The following CTNNA3 variants were observed in gnomAD, a reference collection of about 807,000 sequenced individuals.
CTNNA3 encodes the protein catenin alpha-3.
A neutral mutation model predicts 95.7 loss-of-function variants in CTNNA3; 76 were observed. That is an observed-to-expected ratio of 0.79 (90% CI 0.66 to 0.96). The LOEUF is 0.96. CTNNA3 is among the 40% of genes least tolerant of loss of function. The pLI, the probability that CTNNA3 is intolerant of heterozygous loss-of-function variation, is 0.00. For missense variants in CTNNA3, 1,191 were observed against 1,089.8 expected (o/e 1.09, Z -1.31); for synonymous variants, 431 against 374.4 (o/e 1.15, Z -1.74).
At chr10:66,444,635 G>C (rs1282040220) in intron 11 of CTNNA3, among the ~76,000 whole-genome samples, 9 of 152,042 alleles carry the variant, frequency 5.9e-5, no homozygotes, top group Non-Finnish European at 2.9e-5. Flanking sequence ...GAGAGATTTT[G>C]TCACCACCAG....
chr10:66,998,385 C>T (rs1419543873), intron 7 of CTNNA3, among the ~76,000 whole-genome samples: 1 of 152,006 alleles, frequency 6.6e-6, no homozygotes, highest in East Asian at 1.9e-4. Context: ...AAAAGCATAG[C>T]ACAAAATAAA....
chr10:67,118,680 G>T (rs1385227805), intron 7 of CTNNA3, among the ~76,000 whole-genome samples: 2 of 151,802 alleles, frequency 1.3e-5, no homozygotes, highest in Non-Finnish European at 2.9e-5. Context: ...TTTATCTAAA[G>T]CACAGTAGTA....
intron 10 of CTNNA3, among the ~76,000 whole-genome samples, chr10:66,528,408 C>T (rs978812746): frequency 2.6e-5 from 4 of 152,166 alleles, no homozygotes; most frequent in African/African-American, 7.2e-5. Context: ...ATCTAAACTA[C>T]GTTCAGAATA....
intron 15 of CTNNA3, among the ~76,000 whole-genome samples, chr10:66,010,758 T>C (rs958606708): frequency 6.6e-6 from 1 of 152,178 alleles, no homozygotes; most frequent in Non-Finnish European, 1.5e-5. Context: ...GGAAAGTGTG[T>C]CAGGCCAGGC....
intron 1 of CTNNA3, among the ~76,000 whole-genome samples, chr10:67,753,260 G>C (rs1206503072): frequency 6.6e-6 from 1 of 152,102 alleles, no homozygotes; most frequent in African/African-American, 2.4e-5. Context: ...GGGAAAACTG[G>C]CTAGCCACAT....
At chr10:66,928,516 T>C in intron 7 of CTNNA3, 1 of 1,449,854 alleles carries the variant, frequency 6.9e-7, no homozygotes. Context: ...TTTATTGAAC[T>C]CTGGTGACTA....
At chr10:66,406,096 T>A (rs189489656) in intron 11 of CTNNA3, among the ~76,000 whole-genome samples, 3 of 152,294 alleles carry the variant, frequency 2.0e-5, no homozygotes, top group Non-Finnish European at 2.9e-5. Context: ...AGGATCTTAT[T>A]AAATGGCAGT....
intron 16 of CTNNA3, among the ~76,000 whole-genome samples, chr10:65,979,678 A>C (rs915756746): frequency 6.6e-6 from 1 of 152,122 alleles, no homozygotes; most frequent in Non-Finnish European, 1.5e-5. Flanking sequence ...GTAACTATAC[A>C]TGAAGTGAAC....
chr10:67,740,359 G>C (rs1841328658), intron 1 of CTNNA3, among the ~76,000 whole-genome samples: 1 of 151,732 alleles, frequency 6.6e-6, no homozygotes, highest in Non-Finnish European at 1.5e-5. Flanking sequence ...ACTACCATCA[G>C]AGTGAACAGG....
intron 9 of CTNNA3, among the ~76,000 whole-genome samples, chr10:66,647,850 G>A (rs1332601855): frequency 1.3e-5 from 2 of 152,028 alleles, no homozygotes; most frequent in Non-Finnish European, 2.9e-5. Flanking sequence ...TTTTTGAAAA[G>A]AAGAAGAAAA....
intron 7 of CTNNA3, among the ~76,000 whole-genome samples, chr10:66,885,364 T>C (rs1215719899): frequency 1.3e-5 from 2 of 152,170 alleles, no homozygotes; most frequent in African/African-American, 2.4e-5. Flanking sequence ...TTATATGTAA[T>C]ATCCCTTTGC....
intron 5 of CTNNA3, among the ~76,000 whole-genome samples, chr10:67,386,101 T>G (rs749501308): frequency 6.6e-6 from 1 of 152,200 alleles, no homozygotes; most frequent in Non-Finnish European, 1.5e-5. Context: ...TATAAGTATA[T>G]GCCAATATTC....
At position 67,210,098 on chromosome 10, in the gene CTNNA3, G is replaced by A. The variant is rs777232905; in HGVS notation, c.843+9509C>T. On this transcript the variant is annotated intron_variant, in intron 6 of 17. Coordinates refer to ENST00000433211, the MANE Select transcript of CTNNA3 (RefSeq NM_013266.4). ...CAAAGCAGGCAGATCACAAGGTCGG[G>A]AGATCGACACCATCCTGGCTAACAT... Among the ~76,000 whole-genome samples the A allele has an allele frequency of 1.1e-3, 161 of 152,170 alleles. 2 individuals are homozygous for A. The highest frequency in any genetic ancestry group is 0.01 in the Admixed American group (158 of 15,282).
In CTNNA3 at chr10:66,622,209, C is replaced by T. The variant is rs554886817; in HGVS notation, c.1282-425G>A. The stretch of plus-strand genomic sequence containing the variant: ...AGGTCTATTACTCATATTTAAGTTG[C>T]ATTAAGTATGACTGTATCTTTATAC... On this transcript the variant is annotated intron_variant, in intron 9 of 17. Transcript: ENST00000433211. Among the ~76,000 whole-genome samples, 9 of 152,202 alleles carry T rather than the reference C, an allele frequency of 5.9e-5. No homozygotes were observed. The South Asian group carries it at 1.0e-3, about 18-fold the overall frequency.
chr10:65,937,580 TCTC>T (rs1274748062), intron 17 of CTNNA3, among the ~76,000 whole-genome samples: 1 of 152,062 alleles, frequency 6.6e-6, no homozygotes, highest in East Asian at 1.9e-4. Flanking sequence ...CCAACACCAT[TCTC>T]CTCTTTCAAG....
intron 7 of CTNNA3, among the ~76,000 whole-genome samples, chr10:66,904,046 A>G (rs1049722151): frequency 2.0e-5 from 3 of 152,166 alleles, no homozygotes; most frequent in African/African-American, 7.2e-5. Flanking sequence ...TTCATATAGA[A>G]CCAAAAAGGA....
At chr10:67,201,297 T>C (rs757845646) in intron 6 of CTNNA3, among the ~76,000 whole-genome samples, 15 of 152,174 alleles carry the variant, frequency 9.9e-5, no homozygotes, top group Admixed American at 1.3e-4. Context: ...TTAACAAATA[T>C]AACCTCCAGC....
Position 65,988,623 on chromosome 10 carries a change from A to G in CTNNA3, c.2265+69T>C, listed in dbSNP as rs1041932635. ...AGAGAGTAAAAATTTAACTTTGCCTAAATCAATGTTCTAATGGCAAAGAGC... is the reference window on the plus strand; with the variant it reads ...AGAGAGTAAAAATTTAACTTTGCCTGAATCAATGTTCTAATGGCAAAGAGC... On this transcript the variant is annotated intron_variant, in intron 16 of 17. Coordinates refer to ENST00000433211, the MANE Select transcript of CTNNA3 (RefSeq NM_013266.4). 13 of 1,283,894 alleles carry G rather than the reference A, an allele frequency of 1.0e-5. No individual in the cohort carries two copies. In the Admixed American group the frequency reaches 2.4e-4, roughly 24 times the overall value. The allele number at this position is 1,283,894 out of a possible 1,614,324, so 79.5% of individuals were successfully genotyped here.
chr10:66,002,280 C>T (rs1435308433), intron 15 of CTNNA3, among the ~76,000 whole-genome samples: 1 of 152,152 alleles, frequency 6.6e-6, no homozygotes, highest in Non-Finnish European at 1.5e-5. Flanking sequence ...CTGGGTGTTA[C>T]TTTCTCTTGT....
Sources: gnomAD v4.1 joint callset for allele counts (sites outside exome capture counted in the v4.1 genomes callset) on GRCh38, gnomAD v4.1.1 for gene constraint, MANE v1.5 for transcripts, NCBI Gene and HGNC (gene_info 2026-07-23, HGNC 2026-07-21) for gene names.